Variants in LINGO2 observed in about 807,000 individuals in gnomAD.
LINGO2 encodes the protein leucine rich repeat and Ig domain containing 2.
Under a neutral mutation model 30.6 loss-of-function variants are expected in LINGO2, and 14 were observed. That is an observed-to-expected ratio of 0.46 (90% CI 0.30 to 0.72). LINGO2 has a LOEUF of 0.72. Among genes scored for constraint, LINGO2 ranks in the 30% least tolerant of loss-of-function variants. The pLI is 0.07. For missense variants in LINGO2, 729 were observed against 751.7 expected (o/e 0.97, Z 0.35); for synonymous variants, 317 against 288.5 (o/e 1.10, Z -1.00).
rs1827000945 is a variant in LINGO2 at position 28,632,601 on chromosome 9, A to G, written c.-365+37599T>C. Among the ~76,000 whole-genome samples the G allele has an allele frequency of 3.4e-5, 5 of 145,334 alleles. No homozygotes were observed. The South Asian group carries it at 1.1e-3, about 31-fold the overall frequency. On this transcript the variant is annotated intron_variant, in intron 1 of 5. Coordinates refer to ENST00000379992, the Ensembl canonical transcript of LINGO2. The stretch of plus-strand genomic sequence containing the variant: ...TATATGTCGATATATGTAAATATGT[A>G]GATAAATATATTATCTATATATTTA...
chr9:28,363,396 A>G (rs1239586748), intron 3 of LINGO2, among the ~76,000 whole-genome samples: 1 of 152,228 alleles, frequency 6.6e-6, no homozygotes, highest in Non-Finnish European at 1.5e-5. Context: ...AGGAAGGGGC[A>G]GTGGGCAACT....
chr9:28,497,265 G>C (rs1819671650), intron 1 of LINGO2, among the ~76,000 whole-genome samples: 1 of 152,104 alleles, frequency 6.6e-6, no homozygotes, highest in South Asian at 2.1e-4. Context: ...TTCCAACTTG[G>C]TTCCATTCTC....
chr9:28,041,326 G>C (rs1212876708), intron 4 of LINGO2, among the ~76,000 whole-genome samples: 1 of 152,228 alleles, frequency 6.6e-6, no homozygotes, highest in African/African-American at 2.4e-5. Context: ...GAACAGTGCA[G>C]TAGATAGACT....
chr9:28,550,590 T>A (rs1822224397), intron 1 of LINGO2, among the ~76,000 whole-genome samples: 3 of 151,848 alleles, frequency 2.0e-5, no homozygotes, highest in Admixed American at 2.0e-4. Flanking sequence ...ATTTGCTACA[T>A]CAACAGACAC....
chr9:29,181,390 T>C, the LINGO2 span, among the ~76,000 whole-genome samples: 6 of 152,162 alleles, frequency 3.9e-5, no homozygotes, highest in Non-Finnish European at 8.8e-5. Flanking sequence ...ATCACTTACG[T>C]ATCATCAAAG....
chr9:28,514,509 G>A (rs777653717), intron 1 of LINGO2, among the ~76,000 whole-genome samples: 26 of 152,318 alleles, frequency 1.7e-4, no homozygotes, highest in African/African-American at 6.3e-4. Flanking sequence ...GAAAGTTTTA[G>A]TCATCTGGAT....
At chr9:28,876,824 A>G in the LINGO2 span, among the ~76,000 whole-genome samples, 6 of 152,122 alleles carry the variant, frequency 3.9e-5, no homozygotes, top group Non-Finnish European at 8.8e-5. Flanking sequence ...AGGAATCGCC[A>G]CACTGACTTC....
At chr9:28,220,429 G>C (rs140860703) in intron 4 of LINGO2, among the ~76,000 whole-genome samples, 9 of 152,204 alleles carry the variant, frequency 5.9e-5, no homozygotes, top group African/African-American at 2.2e-4. Flanking sequence ...TGGGTACCAG[G>C]AGCACACAGT....
At chr9:28,609,238 GT>G (rs1488752607) in intron 1 of LINGO2, among the ~76,000 whole-genome samples, 3 of 149,468 alleles carry the variant, frequency 2.0e-5, no homozygotes. Context: ...GGTTAGGTAT[GT>G]CCTTTCTAGC....
chr9:29,028,571 T>G, the LINGO2 span, among the ~76,000 whole-genome samples: 1 of 152,184 alleles, frequency 6.6e-6, no homozygotes, highest in East Asian at 1.9e-4. Context: ...TTATCCTCAC[T>G]TTGAATCTAG....
intron 4 of LINGO2, among the ~76,000 whole-genome samples, chr9:28,233,873 G>T (rs1357572058): frequency 6.6e-6 from 1 of 152,114 alleles, no homozygotes; most frequent in African/African-American, 2.4e-5. Context: ...GAAGGGCCTG[G>T]TCTTGGCAGA....
chr9:28,572,533 G>T (rs902047386), intron 1 of LINGO2, among the ~76,000 whole-genome samples: 2 of 152,194 alleles, frequency 1.3e-5, no homozygotes, highest in Non-Finnish European at 2.9e-5. Context: ...TTCATGGTCT[G>T]CTCTTGTCCT....
the LINGO2 span, among the ~76,000 whole-genome samples, chr9:28,812,867 A>G: frequency 0.51 from 77,600 of 151,890 alleles, 20,551 homozygotes; most frequent in Middle Eastern, 0.66. Flanking sequence ...CTAGGAAGAA[A>G]GGATCTGCAG....
chr9:29,036,165 A>G, the LINGO2 span, among the ~76,000 whole-genome samples: 1 of 152,134 alleles, frequency 6.6e-6, no homozygotes, highest in Non-Finnish European at 1.5e-5. Flanking sequence ...TACTTACACT[A>G]CGAGTTCAAA....
chr9:27,994,362 C>A (rs537110052), intron 5 of LINGO2, among the ~76,000 whole-genome samples: 6 of 151,842 alleles, frequency 4.0e-5, no homozygotes, highest in Non-Finnish European at 8.8e-5. Flanking sequence ...AAAAGTTAAA[C>A]AAATTGACAA....
chr9:28,773,931 AATAAT>A, the LINGO2 span, among the ~76,000 whole-genome samples: 1 of 152,168 alleles, frequency 6.6e-6, no homozygotes, highest in Non-Finnish European at 1.5e-5. Flanking sequence ...AAATTTATAA[AATAAT>A]ATAACTGAGG....
intron 5 of LINGO2, among the ~76,000 whole-genome samples, chr9:28,009,155 C>A: frequency 8.1e-6 from 1 of 123,882 alleles, no homozygotes; most frequent in African/African-American, 3.1e-5. Context: ...TTTTTTTTTC[C>A]AACATATGGT....
chr9:28,454,847 T>A (rs1824785216), intron 2 of LINGO2, among the ~76,000 whole-genome samples: 1 of 151,990 alleles, frequency 6.6e-6, no homozygotes, highest in East Asian at 1.9e-4. Flanking sequence ...CTTAGGACAA[T>A]TTTAATATAG....
At chr9:28,982,640 C>A in the LINGO2 span, among the ~76,000 whole-genome samples, 2 of 151,738 alleles carry the variant, frequency 1.3e-5, no homozygotes, top group Non-Finnish European at 2.9e-5. Context: ...AAAAATTTTT[C>A]TAAAGCTTTC....
Sources: allele counts gnomAD v4.1 joint callset (sites outside exome capture counted in the v4.1 genomes callset), GRCh38; gene constraint gnomAD v4.1.1; transcripts MANE v1.5; gene names NCBI Gene and HGNC (gene_info 2026-07-23, HGNC 2026-07-21).